The following MACROD2 variants were observed in gnomAD, a reference collection of about 807,000 sequenced individuals.
The protein encoded by MACROD2 is ADP-ribose glycohydrolase MACROD2.
A neutral mutation model predicts 70.4 loss-of-function variants in MACROD2; 36 were observed. That is an observed-to-expected ratio of 0.51 (90% confidence interval 0.39 to 0.68). The LOEUF is 0.68. MACROD2 is among the 30% of genes least tolerant of loss of function. The pLI is 0.00. For missense variants in MACROD2, 496 were observed against 538.4 expected, an observed-to-expected ratio of 0.92 and a Z score of 0.78; for synonymous variants, 172 against 178.8, an observed-to-expected ratio of 0.96 and a Z score of 0.30.
chr20:15,308,586 T>C (rs1423505923), intron 6 of MACROD2, among the ~76,000 whole-genome samples: 1 of 152,214 alleles, frequency 6.6e-6, no homozygotes, highest in Admixed American at 6.5e-5. Flanking sequence ...GTCATTCACA[T>C]TGGAATTTAC....
chr20:15,366,980 C>T (rs1018399364), intron 6 of MACROD2, among the ~76,000 whole-genome samples: 1 of 151,600 alleles, frequency 6.6e-6, no homozygotes, highest in African/African-American at 2.4e-5. Flanking sequence ...TTAACAGTTT[C>T]CTTGTTTGGA....
intron 5 of MACROD2, among the ~76,000 whole-genome samples, chr20:15,177,911 A>G (rs1218090861): frequency 6.6e-6 from 1 of 152,004 alleles, no homozygotes; most frequent in Non-Finnish European, 1.5e-5. Context: ...CTAGATGCAC[A>G]TTATATCCTG....
At chr20:15,894,229 G>A (rs561178800) in intron 10 of MACROD2, among the ~76,000 whole-genome samples, 2 of 152,284 alleles carry the variant, frequency 1.3e-5, no homozygotes, top group South Asian at 2.1e-4. Context: ...AAGTAATGAC[G>A]CTGCTTTTTC....
At chr20:15,618,002 C>T (rs1408254033) in intron 8 of MACROD2, among the ~76,000 whole-genome samples, 3 of 150,050 alleles carry the variant, frequency 2.0e-5, no homozygotes, top group Admixed American at 2.0e-4. Flanking sequence ...TGAAACAGGG[C>T]AGGTAGGATG....
intron 3 of MACROD2, among the ~76,000 whole-genome samples, chr20:14,274,446 C>T (rs573301888): frequency 9.2e-5 from 14 of 152,196 alleles, no homozygotes; most frequent in South Asian, 2.1e-4. Context: ...AATTCAACAA[C>T]CCTTCATGCT....
intron 1 of MACROD2, among the ~76,000 whole-genome samples, chr20:13,996,070 T>C (rs543698447): frequency 2.6e-5 from 4 of 152,268 alleles, no homozygotes; most frequent in Middle Eastern, 3.4e-3. Context: ...CCCCGTCACC[T>C]TCTCCCGAGG....
At chr20:15,629,869 A>G (rs2049262531) in intron 8 of MACROD2, among the ~76,000 whole-genome samples, 1 of 152,220 alleles carries the variant, frequency 6.6e-6, no homozygotes. Context: ...CGCAAAATCA[A>G]AAGAACGATG....
At chr20:14,623,844 C>T (rs571274414) in intron 4 of MACROD2, among the ~76,000 whole-genome samples, 2 of 152,202 alleles carry the variant, frequency 1.3e-5, no homozygotes, top group African/African-American at 4.8e-5. Flanking sequence ...TGACAGAGGG[C>T]TATCACAAAC....
chr20:15,519,048 C>T (rs968955463), intron 8 of MACROD2, among the ~76,000 whole-genome samples: 4 of 148,902 alleles, frequency 2.7e-5, no homozygotes, highest in South Asian at 4.3e-4. Flanking sequence ...GAACTGTTAA[C>T]TCGCTCTTTC....
intron 6 of MACROD2, among the ~76,000 whole-genome samples, chr20:15,370,765 T>TA (rs1486896665): frequency 3.3e-5 from 5 of 151,956 alleles, no homozygotes; most frequent in African/African-American, 1.2e-4. Context: ...CTCTTTACAA[T>TA]AAGACCACCT....
At chr20:15,657,657 A>T (rs1475445046) in intron 8 of MACROD2, among the ~76,000 whole-genome samples, 1 of 152,246 alleles carries the variant, frequency 6.6e-6, no homozygotes, top group Admixed American at 6.5e-5. Flanking sequence ...CCTAGTAGAC[A>T]GCATCTTAGT....
At chr20:14,128,545 G>T (rs530552523) in intron 3 of MACROD2, among the ~76,000 whole-genome samples, 2 of 152,190 alleles carry the variant, frequency 1.3e-5, no homozygotes, top group African/African-American at 2.4e-5. Flanking sequence ...AAGTTATCCA[G>T]AAGACCTAGG....
chr20:16,044,578 G>A lies in MACROD2; in HGVS notation c.1239G>A (p.Met413Ile). The A allele has an allele frequency of 6.2e-7, 1 of 1,608,618 alleles. No homozygotes were observed. Among genetic ancestry groups the A allele is most frequent in the Non-Finnish European group, 8.5e-7 (1 of 1,176,766 alleles). ...TTTTTTTTCTGGTGACAGTTGAAAT[G>A]AATAGTCAGGTTGACAAGGTAAATG... ...LENTPGPDVE[M>I]NSQVDKVNDP... Residue 413 changes from methionine (M) to isoleucine (I), a missense_variant, in exon 17 of 18, where the codon ATG (methionine) becomes ATA (isoleucine). By Grantham distance (10) the Met-to-Ile change is conservative (BLOSUM62 1). Coordinates refer to ENST00000684519, the MANE Select transcript of MACROD2 (RefSeq NM_001351661.2).
intron 5 of MACROD2, among the ~76,000 whole-genome samples, chr20:14,742,347 A>C (rs1242908827): frequency 6.6e-6 from 1 of 152,140 alleles, no homozygotes; most frequent in African/African-American, 2.4e-5. Flanking sequence ...ATAATTTTAA[A>C]AACTACAGAA....
At chr20:14,294,920 T>G (rs577534011) in intron 3 of MACROD2, among the ~76,000 whole-genome samples, 2 of 151,764 alleles carry the variant, frequency 1.3e-5, no homozygotes, top group East Asian at 3.9e-4. Flanking sequence ...AACTCAATAG[T>G]AGCTGTTTCT....
intron 15 of MACROD2, among the ~76,000 whole-genome samples, chr20:16,025,370 T>A (rs1027943138): frequency 2.0e-5 from 3 of 152,240 alleles, no homozygotes; most frequent in Non-Finnish European, 4.4e-5. Context: ...AAAGAACATC[T>A]GTTTGTTGTC....
intron 5 of MACROD2, among the ~76,000 whole-genome samples, chr20:14,757,412 G>A (rs1485061022): frequency 6.6e-6 from 1 of 152,082 alleles, no homozygotes; most frequent in Admixed American, 6.5e-5. Flanking sequence ...ATTTAGAAGA[G>A]TAAATTTCAT....
At chr20:15,208,079 A>G (rs974313468) in intron 5 of MACROD2, among the ~76,000 whole-genome samples, 1 of 93,862 alleles carries the variant, frequency 1.1e-5, no homozygotes, top group Non-Finnish European at 2.2e-5. Flanking sequence ...AGGTCCCTGA[A>G]ACTCTATTTT....
At chr20:14,767,980 A>G (rs1286102276) in intron 5 of MACROD2, among the ~76,000 whole-genome samples, 1 of 151,924 alleles carries the variant, frequency 6.6e-6, no homozygotes, top group Non-Finnish European at 1.5e-5. Context: ...ATCCTTTTTT[A>G]TGGCTGCATA....
Sources: gnomAD v4.1 joint callset for allele counts (sites outside exome capture counted in the v4.1 genomes callset) on GRCh38, gnomAD v4.1.1 for gene constraint, MANE v1.5 for transcripts, NCBI Gene and HGNC (gene_info 2026-07-23, HGNC 2026-07-21) for gene names.